GRM3: variants seen among roughly 807,000 people sequenced by gnomAD.
GRM3 encodes metabotropic glutamate receptor 3.
Under a neutral mutation model 70.5 loss-of-function variants are expected in GRM3, and 26 were observed. That is an observed-to-expected ratio of 0.37 (90% confidence interval 0.27 to 0.51). The LOEUF is 0.51. Ranked by LOEUF, GRM3 falls within the 20% of genes least tolerant of loss-of-function variation. The probability of loss-of-function intolerance (pLI) is 0.93; values close to 1 mark genes in which losing one functional copy is unlikely to be tolerated. For synonymous variants in GRM3, 443 were observed against 434.9 expected (o/e 1.02, Z -0.23); for missense variants, 859 against 1,123.8 (o/e 0.76, Z 3.37).
At chr7:86,830,568 T>C (rs1798330367) in intron 3 of GRM3, among the ~76,000 whole-genome samples, 1 of 152,160 alleles carries the variant, frequency 6.6e-6, no homozygotes, top group Non-Finnish European at 1.5e-5. Flanking sequence ...TATGATAAAA[T>C]ACTATGCATC....
At chr7:86,725,778 G>A (rs778857861) in intron 1 of GRM3, among the ~76,000 whole-genome samples, 2 of 152,084 alleles carry the variant, frequency 1.3e-5, no homozygotes, top group African/African-American at 2.4e-5. Flanking sequence ...TGAAGACTGG[G>A]GAGTCCAAGA....
At chr7:86,776,157 A>G (rs949294368) in intron 2 of GRM3, 3 of 152,194 alleles carry the variant, frequency 2.0e-5, no homozygotes, top group African/African-American at 7.2e-5. Flanking sequence ...AGCATTTACT[A>G]CATGCCCATC....
At chr7:86,647,818 T>TAGTA (rs1793512260) in intron 1 of GRM3, among the ~76,000 whole-genome samples, 1 of 152,200 alleles carries the variant, frequency 6.6e-6, no homozygotes, top group Admixed American at 6.5e-5. Flanking sequence ...AATGTAGGCT[T>TAGTA]GGTCCCCATA....
chr7:86,748,034 T>G (rs544917622), intron 1 of GRM3, among the ~76,000 whole-genome samples: 2 of 152,220 alleles, frequency 1.3e-5, no homozygotes, highest in Non-Finnish European at 2.9e-5. Context: ...TTTAAAAGCT[T>G]AGTAGACTGA....
chr7:86,732,867 G>A (rs1244961918), intron 1 of GRM3, among the ~76,000 whole-genome samples: 1 of 152,116 alleles, frequency 6.6e-6, no homozygotes, highest in Non-Finnish European at 1.5e-5. Flanking sequence ...AAGACCAAGG[G>A]ACTGGCATGA....
intron 1 of GRM3, among the ~76,000 whole-genome samples, chr7:86,645,645 A>G (rs1793442347): frequency 6.6e-6 from 1 of 152,170 alleles, no homozygotes. Flanking sequence ...AAGGTGGACA[A>G]TTCTCTAAGG....
At position 86,862,316 on chromosome 7, in the gene GRM3, C is replaced by G. The variant is rs148343569; in HGVS notation, c.2567-1966C>G. Among the ~76,000 whole-genome samples, 12 of 152,252 alleles carry G rather than the reference C, an allele frequency of 7.9e-5. No individual in the cohort carries two copies. In the East Asian group the frequency reaches 2.3e-3, roughly 29 times the overall value. On this transcript the variant is annotated intron_variant, in intron 5 of 5. Transcript: ENST00000361669. Reference sequence around the variant, plus strand: ...TGAATCTCACTTTGCCTTTCCCTTTCTCTTACCTTACCTACATTTGATGAA... The same window carrying G: ...TGAATCTCACTTTGCCTTTCCCTTTGTCTTACCTTACCTACATTTGATGAA...
chr7:86,864,295 G>T lies in GRM3; in HGVS notation c.2580G>T (p.Thr860=), dbSNP rs141314343. ...GTTYSQSSAS[T]YVPTVCNGRE... is the part of the protein sequence containing the mutation. ...TTTGTTTTCCAGCCTCTGCAAGCAC[G>T]TATGTGCCAACGGTGTGCAATGGGC... Residue 860 remains threonine (T), a synonymous_variant, in exon 6 of 6, where the codon ACG becomes ACT. Coordinates refer to ENST00000361669, the MANE Select transcript of GRM3 (RefSeq NM_000840.3). 17 of 1,588,814 alleles carry T rather than the reference G, an allele frequency of 1.1e-5. No individual in the cohort carries two copies. The highest frequency in any genetic ancestry group is 9.4e-5 in the African/African-American group (7 of 74,358).
intron 5 of GRM3, among the ~76,000 whole-genome samples, chr7:86,856,303 A>G (rs946607603): frequency 2.6e-5 from 4 of 151,866 alleles, no homozygotes; most frequent in Non-Finnish European, 5.9e-5. Flanking sequence ...AAAATTAGCC[A>G]GGCATGGTGG....
intron 1 of GRM3, among the ~76,000 whole-genome samples, chr7:86,688,790 TATG>T (rs1400703261): frequency 2.0e-5 from 3 of 147,810 alleles, no homozygotes; most frequent in African/African-American, 7.4e-5. Context: ...ATATGAGAGA[TATG>T]ATATATATCT....
At chr7:86,792,825 A>G (rs12704289) in intron 3 of GRM3, among the ~76,000 whole-genome samples, 9,011 of 152,206 alleles carry the variant, frequency 0.059, 376 homozygotes, top group Non-Finnish European at 0.086. Flanking sequence ...ATTACTATGT[A>G]TCTTACACCC....
chr7:86,688,246 T>C (rs1052260248), intron 1 of GRM3, among the ~76,000 whole-genome samples: 3 of 151,714 alleles, frequency 2.0e-5, no homozygotes, highest in African/African-American at 7.2e-5. Flanking sequence ...TTATTCTGTT[T>C]ACAGAAGTAA....
chr7:86,806,705 C>T (rs1485897076), intron 3 of GRM3, among the ~76,000 whole-genome samples: 1 of 152,158 alleles, frequency 6.6e-6, no homozygotes, highest in Admixed American at 6.5e-5. Flanking sequence ...TGCCTGTTCA[C>T]TCTGATGGTA....
intron 1 of GRM3, among the ~76,000 whole-genome samples, chr7:86,665,378 G>C (rs802424): frequency 0.37 from 55,995 of 151,762 alleles, 11,485 homozygotes; most frequent in African/African-American, 0.56. Flanking sequence ...ATGAACTATA[G>C]AAGTACCGAC....
intron 3 of GRM3, among the ~76,000 whole-genome samples, chr7:86,787,934 G>T (rs1158883330): frequency 1.3e-5 from 2 of 152,092 alleles, no homozygotes; most frequent in Admixed American, 6.6e-5. Flanking sequence ...AAATCTTTAG[G>T]TCTACATTCT....
chr7:86,745,135 T>C (rs1198252609), intron 1 of GRM3, among the ~76,000 whole-genome samples: 2 of 152,104 alleles, frequency 1.3e-5, no homozygotes, highest in African/African-American at 2.4e-5. Flanking sequence ...TCTTTTCCAG[T>C]TGGCTTTGTT....
At chr7:86,690,513 T>G (rs73704995) in intron 1 of GRM3, among the ~76,000 whole-genome samples, 3,228 of 152,042 alleles carry the variant, frequency 0.021, 118 homozygotes, top group African/African-American at 0.072. Context: ...TGGACTGGAG[T>G]GAGCCTTCAC....
chr7:86,645,980 T>TGGGTGGGGG (rs1562811178), intron 1 of GRM3, among the ~76,000 whole-genome samples: 1 of 50,178 alleles, frequency 2.0e-5, no homozygotes, highest in Non-Finnish European at 3.8e-5. Context: ...TTCTTTGTGG[T>TGGGTGGGGG]GGGCGGGGGG....
chr7:86,857,358 G>A (rs973247465), intron 5 of GRM3, among the ~76,000 whole-genome samples: 1 of 152,110 alleles, frequency 6.6e-6, no homozygotes, highest in East Asian at 1.9e-4. Context: ...GCATTATAAG[G>A]ATATTTACTC....
Sources: allele counts gnomAD v4.1 joint callset (sites outside exome capture counted in the v4.1 genomes callset), GRCh38; gene constraint gnomAD v4.1.1; transcripts MANE v1.5; gene names NCBI Gene and HGNC (gene_info 2026-07-23, HGNC 2026-07-21).